The following SRGAP2B variants were observed in gnomAD, a reference collection of about 807,000 sequenced individuals.
SRGAP2B encodes SLIT-ROBO Rho GTPase activating protein 2B.
Under a neutral mutation model 22.2 loss-of-function variants are expected in SRGAP2B, and 9 were observed. The ratio of observed to expected loss-of-function variants is 0.41; its 90% CI spans 0.24 to 0.71. The LOEUF (loss-of-function observed/expected upper bound fraction) is 0.71. Among genes scored for constraint, SRGAP2B ranks in the 30% least tolerant of loss-of-function variants. SRGAP2B has a pLI of 0.35. For synonymous variants in SRGAP2B, 36 were observed against 87.4 expected, an observed-to-expected ratio of 0.41 and a Z score of 3.28; for missense variants, 114 against 235.8, an observed-to-expected ratio of 0.48 and a Z score of 3.38.
intron 2 of SRGAP2B, among the ~76,000 whole-genome samples, chr1:145,019,180 A>T (rs1356924561): frequency 7.3e-4 from 1 of 1,374 alleles, no homozygotes; most frequent in Non-Finnish European, 0.045. Context: ...TTGTCTCTAC[A>T]AAAAAAAAAA....
chr1:144,924,536 C>T (rs1289955894), intron 4 of SRGAP2B, among the ~76,000 whole-genome samples: 14 of 150,226 alleles, frequency 9.3e-5, no homozygotes, highest in Non-Finnish European at 1.5e-4. Flanking sequence ...GTCAGGAGAT[C>T]GAGACCAAGG....
At chr1:144,944,261 AAC>A (rs1553607992) in intron 4 of SRGAP2B, among the ~76,000 whole-genome samples, 1 of 150,570 alleles carries the variant, frequency 6.6e-6, no homozygotes, top group African/African-American at 2.5e-5. Context: ...AAAATCAATA[AAC>A]AGACCCACAG....
chr1:145,062,944 A>C (rs1443466944), intron 2 of SRGAP2B, among the ~76,000 whole-genome samples: 1 of 148,146 alleles, frequency 6.8e-6, no homozygotes, highest in African/African-American at 2.6e-5. Flanking sequence ...GTAATTCTAT[A>C]AGCACCATTT....
At chr1:144,966,384 C>T (rs1468715169) in intron 3 of SRGAP2B, among the ~76,000 whole-genome samples, 2 of 148,420 alleles carry the variant, frequency 1.3e-5, no homozygotes, top group Admixed American at 6.6e-5. Flanking sequence ...TCATATCCAG[C>T]CAAACTAAGC....
chr1:145,035,983 T>C (rs1367546605), intron 2 of SRGAP2B, among the ~76,000 whole-genome samples: 1 of 130,596 alleles, frequency 7.7e-6, no homozygotes, highest in Non-Finnish European at 1.6e-5. Context: ...TTCACTGAAA[T>C]CCCATTCATA....
intron 3 of SRGAP2B, among the ~76,000 whole-genome samples, chr1:144,965,834 G>A (rs11249376): frequency 0.28 from 38,915 of 139,146 alleles, 7,037 homozygotes; most frequent in Non-Finnish European, 0.39. Context: ...CGAGAACTAC[G>A]TGAAGAATGC....
At chr1:144,975,282 T>C (rs12029955) in intron 3 of SRGAP2B, among the ~76,000 whole-genome samples, 1 of 147,096 alleles carries the variant, frequency 6.8e-6, no homozygotes, top group Non-Finnish European at 1.5e-5. Context: ...TATAACTACA[T>C]TGAAGGTCTG....
chr1:145,078,724 TAA>T (rs1350689689), intron 2 of SRGAP2B, among the ~76,000 whole-genome samples: 1 of 15,322 alleles, frequency 6.5e-5, no homozygotes, highest in Non-Finnish European at 1.8e-4. Flanking sequence ...CATTTTACAT[TAA>T]GTTTTGTTAG....
At chr1:144,971,284 C>A (rs1668496926) in intron 3 of SRGAP2B, among the ~76,000 whole-genome samples, 2 of 149,092 alleles carry the variant, frequency 1.3e-5, no homozygotes, top group Non-Finnish European at 3.0e-5. Context: ...GCATGTGCCA[C>A]CACGCTCGGC....
intron 4 of SRGAP2B, among the ~76,000 whole-genome samples, chr1:144,925,792 A>G (rs1553347026): frequency 4.7e-4 from 42 of 88,978 alleles, no homozygotes; most frequent in South Asian, 2.0e-3. Flanking sequence ...AGAAAGAAAG[A>G]AAGGAGAGAG....
chr1:145,006,261 A>G (rs1383037335), intron 2 of SRGAP2B, among the ~76,000 whole-genome samples: 2 of 150,776 alleles, frequency 1.3e-5, no homozygotes, highest in Non-Finnish European at 2.9e-5. Context: ...CGAATGAAAT[A>G]TTTTCCCTCC....
chr1:145,073,073 C>G (rs1244188705), intron 2 of SRGAP2B, among the ~76,000 whole-genome samples: 2 of 150,148 alleles, frequency 1.3e-5, no homozygotes, highest in Non-Finnish European at 3.0e-5. Flanking sequence ...TAGCTGTGCT[C>G]TTTCCCTACA....
rs1167245571 is a variant in SRGAP2B at position 144,990,912 on chromosome 1, C to T, written c.260+4096G>A. Among the ~76,000 whole-genome samples the T allele has an allele frequency of 7.9e-5, 12 of 151,140 alleles. 1 individual carries two copies. Among genetic ancestry groups the T allele is most frequent in the African/African-American group, 2.7e-4 (11 of 40,582 alleles). ...GGGGCAGGGCTCGGGACCTGCAGCC[C>T]GCCATGTCTGAGCCTCCCACCCACT... On this transcript the variant is annotated intron_variant, in intron 3 of 9. Transcript: ENST00000612199.
chr1:144,991,122 T>G (rs1670180479), intron 3 of SRGAP2B, among the ~76,000 whole-genome samples: 1 of 151,156 alleles, frequency 6.6e-6, no homozygotes, highest in East Asian at 1.9e-4. Context: ...CTGAGTCTGG[T>G]GGGGACGTGG....
intron 2 of SRGAP2B, among the ~76,000 whole-genome samples, chr1:145,023,058 G>C (rs1196080404): frequency 1.3e-5 from 2 of 149,720 alleles, no homozygotes; most frequent in Non-Finnish European, 3.0e-5. Flanking sequence ...TCAGCTACTT[G>C]GGAGGCTGAG....
At chr1:144,925,672 C>G (rs1417059184) in intron 4 of SRGAP2B, among the ~76,000 whole-genome samples, 2 of 110,872 alleles carry the variant, frequency 1.8e-5, no homozygotes, top group Admixed American at 2.0e-4. Flanking sequence ...AAAAAAAGGA[C>G]AGAAAGAAAG....
At chr1:145,030,212 C>T (rs1648110690) in intron 2 of SRGAP2B, among the ~76,000 whole-genome samples, 3 of 147,654 alleles carry the variant, frequency 2.0e-5, no homozygotes, top group East Asian at 2.0e-4. Context: ...TCTATTCTCC[C>T]CTTTTTATCT....
chr1:144,912,042 C>G (rs1379851362), intron 5 of SRGAP2B, among the ~76,000 whole-genome samples: 2 of 147,690 alleles, frequency 1.4e-5, no homozygotes, highest in African/African-American at 5.2e-5. Flanking sequence ...GCTCTGCCTC[C>G]CAGGTTCAAG....
chr1:144,970,088 G>T (rs1246380873), intron 3 of SRGAP2B, among the ~76,000 whole-genome samples: 6 of 148,502 alleles, frequency 4.0e-5, no homozygotes, highest in Non-Finnish European at 8.9e-5. Flanking sequence ...AGTCAGTGTG[G>T]CGATTCCTCA....
Sources: gnomAD v4.1 joint callset for allele counts (sites outside exome capture counted in the v4.1 genomes callset) on GRCh38, gnomAD v4.1.1 for gene constraint, MANE v1.5 for transcripts, NCBI Gene and HGNC (gene_info 2026-07-23, HGNC 2026-07-21) for gene names.